Variants in TRPM3 observed in about 807,000 individuals in gnomAD.
TRPM3 encodes transient receptor potential cation channel subfamily M member 3.
In TRPM3, 77 loss-of-function variants were observed where a neutral mutation model predicts 181.2. The observed-to-expected ratio is 0.42, with a 90% confidence interval of 0.35 to 0.51. The LOEUF (loss-of-function observed/expected upper bound fraction) is 0.51. Ranked by LOEUF, TRPM3 falls within the 20% of genes least tolerant of loss-of-function variation. TRPM3 has a pLI of 0.01. For missense variants in TRPM3, 1,759 were observed against 2,196.7 expected, an observed-to-expected ratio of 0.80 and a Z score of 3.98; for synonymous variants, 745 against 796.4, an observed-to-expected ratio of 0.94 and a Z score of 1.09.
chr9:70,639,914 G>C (rs572268112), intron 10 of TRPM3, among the ~76,000 whole-genome samples: 1 of 152,182 alleles, frequency 6.6e-6, no homozygotes, highest in Non-Finnish European at 1.5e-5. Flanking sequence ...AAGGCTTGCC[G>C]GTGAGTGCTG....
At position 71,003,725 on chromosome 9, in the gene TRPM3, G is replaced by A. The variant is rs117945634; in HGVS notation, c.177+117453C>T. Among the ~76,000 whole-genome samples, 751 of 152,142 alleles carry A rather than the reference G, an allele frequency of 4.9e-3. 19 individuals are homozygous for A. The East Asian group carries it at 0.077, about 16-fold the overall frequency. ...TTTATTTTAAATACCATTTGCAGTC[G>A]GCAAGGTGGTGGAATGAAGAGCCCC... On this transcript the variant is annotated intron_variant, in intron 1 of 25. Coordinates refer to ENST00000677713, the MANE Select transcript of TRPM3 (RefSeq NM_001366145.2).
chr9:70,683,794 A>G (rs938630039), intron 8 of TRPM3, among the ~76,000 whole-genome samples: 2 of 152,136 alleles, frequency 1.3e-5, no homozygotes, highest in African/African-American at 4.8e-5. Context: ...TTGGAAGTTG[A>G]GAGGGAACTA....
At chr9:70,571,976 C>T (rs1271087432) in intron 22 of TRPM3, among the ~76,000 whole-genome samples, 2 of 137,024 alleles carry the variant, frequency 1.5e-5, no homozygotes, top group Non-Finnish European at 3.4e-5. Flanking sequence ...TCCATCTTGA[C>T]TGTTGGCATT....
At chr9:70,826,900 G>A (rs1009680824) in intron 6 of TRPM3, 3 of 152,156 alleles carry the variant, frequency 2.0e-5, no homozygotes, top group East Asian at 1.9e-4. Context: ...TTTGTGAGGC[G>A]GGACGGTAGA....
At chr9:71,007,467 G>A (rs1163476742) in intron 1 of TRPM3, among the ~76,000 whole-genome samples, 2 of 151,870 alleles carry the variant, frequency 1.3e-5, no homozygotes, top group Admixed American at 1.3e-4. Flanking sequence ...TGTATGTAAG[G>A]TCAGAAAATA....
intron 1 of TRPM3, among the ~76,000 whole-genome samples, chr9:70,960,203 C>T (rs1200261972): frequency 6.6e-6 from 1 of 151,590 alleles, no homozygotes; most frequent in Non-Finnish European, 1.5e-5. Flanking sequence ...TCAAAACTTA[C>T]TGTACGTGAA....
Position 70,535,713 on chromosome 9 carries a change from C to G in TRPM3, c.*240G>C. The G allele has an allele frequency of 1.4e-6, 2 of 1,435,524 alleles. No individual in the cohort carries two copies. The highest frequency in any genetic ancestry group is 1.8e-6 in the Non-Finnish European group (2 of 1,101,530). The allele number at this position is 1,435,524 out of a possible 1,614,324, so 88.9% of individuals were successfully genotyped here. ...AACCCTTCCTTCTCCCTCTCTTCCC[C>G]CTCCCTGCCCAGCAAGTGTGAACAT... On this transcript the variant is annotated 3_prime_UTR_variant, in exon 26 of 26. Coordinates refer to ENST00000677713, the MANE Select transcript of TRPM3 (RefSeq NM_001366145.2).
intron 1 of TRPM3, among the ~76,000 whole-genome samples, chr9:71,127,292 AACAC>A (rs60199233): frequency 9.0e-5 from 13 of 143,824 alleles, no homozygotes; most frequent in Admixed American, 4.2e-4. Flanking sequence ...AGCTGACCAA[AACAC>A]ACACACACAC....
rs974049257 is a variant in TRPM3 at position 71,023,940 on chromosome 9, A to C, written c.177+97238T>G. 3.2e-4 allele frequency among the ~76,000 whole-genome samples: 48 copies of C among 152,200 alleles called. 2 individuals carry two copies. Among genetic ancestry groups the C allele is most frequent in the Admixed American group, 2.9e-3 (45 of 15,264 alleles). On this transcript the variant is annotated intron_variant, in intron 1 of 25. Coordinates refer to ENST00000677713, the MANE Select transcript of TRPM3 (RefSeq NM_001366145.2). ...TTGACTGCGGTGTGGTTACATGAAC[A>C]TACACATGATAAAATTGTATAAAAC...
At chr9:71,070,172 T>G (rs1310070401) in intron 1 of TRPM3, among the ~76,000 whole-genome samples, 3 of 152,228 alleles carry the variant, frequency 2.0e-5, no homozygotes, top group Non-Finnish European at 4.4e-5. Context: ...ATCAGTAATT[T>G]GTTTCTGAAA....
intron 1 of TRPM3, among the ~76,000 whole-genome samples, chr9:71,160,683 T>G (rs1244407620): frequency 6.6e-6 from 1 of 152,176 alleles, no homozygotes; most frequent in Non-Finnish European, 1.5e-5. Flanking sequence ...TAGGATCAAA[T>G]CTTCTTCATT....
intron 20 of TRPM3, 65 bp downstream of exon 20, chr9:70,603,277 C>T: frequency 6.4e-7 from 1 of 1,556,570 alleles, no homozygotes; most frequent in Non-Finnish European, 8.7e-7. Flanking sequence ...TTCCTGTCCC[C>T]TCCATCCACA....
intron 1 of TRPM3, among the ~76,000 whole-genome samples, chr9:71,402,130 T>C (rs1424966621): frequency 6.6e-6 from 1 of 152,144 alleles, no homozygotes; most frequent in Non-Finnish European, 1.5e-5. Flanking sequence ...AGAAGCAGCA[T>C]GCAAGTCTAC....
At chr9:71,367,943 TTG>T (rs35334724) in intron 1 of TRPM3, among the ~76,000 whole-genome samples, 31,687 of 150,764 alleles carry the variant, frequency 0.21, 3,826 homozygotes, top group Middle Eastern at 0.3. Flanking sequence ...TCCTAAGCAT[TTG>T]TGTGTGTGTG....
At chr9:71,241,298 G>A (rs531458758) in intron 1 of TRPM3, among the ~76,000 whole-genome samples, 2 of 152,146 alleles carry the variant, frequency 1.3e-5, no homozygotes, top group South Asian at 2.1e-4. Context: ...TATGCACTTC[G>A]TAGCTCCTTT....
chr9:71,229,148 T>C (rs773587908), intron 1 of TRPM3, among the ~76,000 whole-genome samples: 17 of 151,818 alleles, frequency 1.1e-4, no homozygotes, highest in Non-Finnish European at 2.4e-4. Flanking sequence ...GATTAGAGAA[T>C]CCAGAAACAA....
chr9:71,249,588 TCA>T (rs1363791013), intron 1 of TRPM3, among the ~76,000 whole-genome samples: 1 of 152,146 alleles, frequency 6.6e-6, no homozygotes, highest in Non-Finnish European at 1.5e-5. Context: ...ATATATTTTC[TCA>T]CAAATGTAAA....
chr9:71,441,806 T>C (rs1057199416), intron 1 of TRPM3, among the ~76,000 whole-genome samples: 2 of 152,078 alleles, frequency 1.3e-5, no homozygotes, highest in African/African-American at 4.8e-5. Context: ...CCAATTTTTG[T>C]ATTTTTAGTA....
chr9:71,363,462 T>C (rs1358852656), intron 1 of TRPM3, among the ~76,000 whole-genome samples: 1 of 152,214 alleles, frequency 6.6e-6, no homozygotes, highest in African/African-American at 2.4e-5. Context: ...TCCAGTGTTA[T>C]TCTATTTGCA....
Sources: gnomAD v4.1 joint callset for allele counts (sites outside exome capture counted in the v4.1 genomes callset) on GRCh38, gnomAD v4.1.1 for gene constraint, MANE v1.5 for transcripts, NCBI Gene and HGNC (gene_info 2026-07-23, HGNC 2026-07-21) for gene names.